Variants in GPAT3 observed in about 807,000 individuals in gnomAD.
GPAT3 encodes 1-AGP acyltransferase 9.
In GPAT3, 53 loss-of-function variants were observed where a neutral mutation model predicts 58.8. The observed-to-expected ratio is 0.90, with a 90% CI of 0.72 to 1.13. GPAT3 has a LOEUF of 1.13. Ranked by LOEUF, GPAT3 falls within the 50% of genes most tolerant of loss-of-function variation. The probability of loss-of-function intolerance (pLI) is 0.00; values close to 1 mark genes in which losing one functional copy is unlikely to be tolerated. For missense variants in GPAT3, 511 were observed against 527.6 expected (o/e 0.97, Z 0.31); for synonymous variants, 197 against 187.4 (o/e 1.05, Z -0.42).
At chr4:83,604,614 CTT>C in intron 11 of GPAT3, 52 bp from the exon 12 acceptor site, 3 of 1,440,018 alleles carry the variant, frequency 2.1e-6, no homozygotes, top group Middle Eastern at 3.5e-4. Flanking sequence ...TAAGTTAACT[CTT>C]TTAAATCACC....
intron 1 of GPAT3, among the ~76,000 whole-genome samples, chr4:83,541,610 C>A (rs558222789): frequency 2.6e-4 from 40 of 152,198 alleles, no homozygotes; most frequent in African/African-American, 9.6e-4. Context: ...AGATGGAATG[C>A]ATTCTGAAAC....
intron 2 of GPAT3, among the ~76,000 whole-genome samples, chr4:83,579,535 G>A (rs1365311434): frequency 3.3e-5 from 5 of 151,916 alleles, no homozygotes; most frequent in South Asian, 2.1e-4. Flanking sequence ...CAAGTGATCC[G>A]CTCACCTTGA....
chr4:83,576,728 A>T (rs1188881463), intron 2 of GPAT3, among the ~76,000 whole-genome samples: 1 of 152,064 alleles, frequency 6.6e-6, no homozygotes, highest in African/African-American at 2.4e-5. Context: ...ACAGATGTGA[A>T]CCACTATGCC....
intron 2 of GPAT3, among the ~76,000 whole-genome samples, chr4:83,548,628 C>T (rs1724631881): frequency 6.6e-6 from 1 of 151,380 alleles, no homozygotes; most frequent in Admixed American, 6.6e-5. Context: ...TGGCATTGTT[C>T]CCTTAGAGGC....
intron 10 of GPAT3, 131 bp downstream of exon 10, chr4:83,598,310 T>A: frequency 8.3e-7 from 1 of 1,204,198 alleles, no homozygotes; most frequent in South Asian, 1.4e-5. Flanking sequence ...TTTAATGATG[T>A]ATTTAGCTCA....
chr4:83,605,789 A>G lies in GPAT3; in HGVS notation c.*1022A>G, dbSNP rs1727232625. ...TGACAGCAATATAATGCCGTTGTAA[A>G]CTACTGAGAGTATTGTATCTGTTCT... On this transcript the variant is annotated 3_prime_UTR_variant, in exon 12 of 12. Transcript: ENST00000264409. 6.6e-6 allele frequency: 1 copy of G among 152,606 alleles called. No individual in the cohort carries two copies. Among genetic ancestry groups the G allele is most frequent in the African/African-American group, 2.4e-5 (1 of 41,444 alleles). 9.5% of individuals were successfully genotyped at this position (152,606 alleles called of 1,614,324 possible).
chr4:83,536,052 G>A (rs1168090959), upstream of GPAT3: 1 of 985,362 alleles, frequency 1.0e-6, no homozygotes, highest in East Asian at 1.1e-4. Flanking sequence ...GGGTGACGGA[G>A]GAGGTGGGGC....
intron 11 of GPAT3, 87 bp downstream of exon 11, chr4:83,598,810 C>T: frequency 1.1e-6 from 1 of 901,120 alleles, no homozygotes; most frequent in Non-Finnish European, 1.6e-6. Context: ...ACTCTTTTAC[C>T]CAGGCTGGAG....
chr4:83,587,368 T>C, intron 4 of GPAT3, 39 bp downstream of exon 4: 2 of 1,515,624 alleles, frequency 1.3e-6, no homozygotes, highest in Non-Finnish European at 1.8e-6. Context: ...TATAGGACTG[T>C]CTTTTTTCTT....
At position 83,597,487 on chromosome 4, in the gene GPAT3, G is replaced by A. The variant is rs148996353; in HGVS notation, c.968G>A (p.Gly323Glu). 1 of 1,571,856 alleles carries A rather than the reference G, an allele frequency of 6.4e-7. No homozygotes were observed. Among genetic ancestry groups the A allele is most frequent in the Non-Finnish European group, 8.6e-7 (1 of 1,157,978 alleles). ...TTTAAAAAGGGGAGCTTTGAAATTGGAGGAACCATACATCCAGTTGCAATT... is the reference window on the plus strand; with the variant it reads ...TTTAAAAAGGGGAGCTTTGAAATTGAAGGAACCATACATCCAGTTGCAATT... ...MMFKKGSFEI[G>E]GTIHPVAIKY... The change falls in exon 9 of 12, where the codon GGA becomes GAA. Residue 323 changes from glycine (G) to glutamate (E), a missense_variant. Transcript: ENST00000264409.
rs374975878 is a variant in GPAT3, at chr4:83,536,766, G to C, written c.141+3G>C. Reference sequence around the variant, plus strand: ...AGATCCTAGTGAAAACTTTAGAGGTGAGTGCCGGGAGGGATGCAGCCAGCC... The same window carrying C: ...AGATCCTAGTGAAAACTTTAGAGGTCAGTGCCGGGAGGGATGCAGCCAGCC... On this transcript the variant is annotated splice_donor_region_variant and intron_variant, in intron 1 of 11. Coordinates refer to ENST00000264409, the MANE Select transcript of GPAT3 (RefSeq NM_032717.5). The C allele has an allele frequency of 1.2e-6, 2 of 1,605,120 alleles. No homozygotes were observed. The highest frequency in any genetic ancestry group is 1.7e-6 in the Non-Finnish European group (2 of 1,175,978).
chr4:83,540,053 G>T (rs1724237868), intron 1 of GPAT3, among the ~76,000 whole-genome samples: 1 of 151,668 alleles, frequency 6.6e-6, no homozygotes, highest in Non-Finnish European at 1.5e-5. Context: ...AGCTGCTCAG[G>T]AGGCTGAGGC....
intron 1 of GPAT3, 107 bp from the exon 2 acceptor site, chr4:83,544,428 AC>A: frequency 9.0e-7 from 1 of 1,108,426 alleles, no homozygotes; most frequent in Non-Finnish European, 1.4e-6. Flanking sequence ...TTTAGTTCAG[AC>A]ACTGCCAGAG....
At chr4:83,568,486 T>A (rs1319158720) in intron 2 of GPAT3, among the ~76,000 whole-genome samples, 1 of 152,056 alleles carries the variant, frequency 6.6e-6, no homozygotes, top group Non-Finnish European at 1.5e-5. Context: ...TATGTAGTGT[T>A]TTTTAACTTT....
At chr4:83,566,371 G>A (rs550209638) in intron 2 of GPAT3, among the ~76,000 whole-genome samples, 98 of 151,378 alleles carry the variant, frequency 6.5e-4, no homozygotes, top group Non-Finnish European at 1.2e-3. Context: ...AGAAATAGTT[G>A]TTCTTATTGC....
intron 2 of GPAT3, among the ~76,000 whole-genome samples, chr4:83,576,281 C>T (rs1378235546): frequency 6.6e-6 from 1 of 152,122 alleles, no homozygotes; most frequent in East Asian, 1.9e-4. Context: ...AACAATGTGG[C>T]AAAGTGTTCT....
At chr4:83,578,001 A>G (rs1387476910) in intron 2 of GPAT3, among the ~76,000 whole-genome samples, 1 of 151,880 alleles carries the variant, frequency 6.6e-6, no homozygotes. Flanking sequence ...GGGTTTCACC[A>G]TGTTGGCCAG....
At chr4:83,592,290 C>A (rs1332602194) in intron 6 of GPAT3, among the ~76,000 whole-genome samples, 7 of 152,100 alleles carry the variant, frequency 4.6e-5, no homozygotes, top group Non-Finnish European at 8.8e-5. Context: ...GTAAACTGTC[C>A]AGTGGGTTGA....
In GPAT3 at chr4:83,590,319, G is replaced by T. The variant is rs1426116987; in HGVS notation, c.738+27G>T. The T allele has an allele frequency of 3.8e-6, 6 of 1,595,966 alleles. No individual in the cohort carries two copies. In the African/African-American group the frequency reaches 5.4e-5, roughly 14 times the overall value. ...TAAGAGCAGCTCATTGATATTTCAA[G>T]TAGTTGCATGTTTTATGGATTGATC... On this transcript the variant is annotated intron_variant, in intron 6 of 11. Transcript: ENST00000264409.
Sources: gnomAD v4.1 joint callset for allele counts (sites outside exome capture counted in the v4.1 genomes callset) on GRCh38, gnomAD v4.1.1 for gene constraint, MANE v1.5 for transcripts, NCBI Gene and HGNC (gene_info 2026-07-23, HGNC 2026-07-21) for gene names.